DMD: variants seen among roughly 807,000 people sequenced by gnomAD.
DMD encodes dystrophin, also known as mutant dystrophin.
In DMD, 63 loss-of-function variants were observed where a neutral mutation model predicts 330.1. The observed-to-expected ratio is 0.19, with a 90% CI of 0.16 to 0.24. The LOEUF (loss-of-function observed/expected upper bound fraction) is 0.24. DMD is among the 10% of genes least tolerant of loss of function. DMD has a pLI of 1.00. For synonymous variants in DMD, 1,223 were observed against 959.8 expected, an observed-to-expected ratio of 1.27 and a Z score of -5.07; for missense variants, 3,344 against 2,684.1, an observed-to-expected ratio of 1.25 and a Z score of -5.43.
intron 44 of DMD, among the ~76,000 whole-genome samples, chrX:32,011,936 T>C (rs2095711997): frequency 8.9e-6 from 1 of 112,100 alleles, no homozygotes; most frequent in South Asian, 3.7e-4. Flanking sequence ...ACTATCTTAT[T>C]TGGTGATGAA....
intron 48 of DMD, among the ~76,000 whole-genome samples, chrX:31,852,941 T>C (rs1349176980): frequency 8.9e-6 from 1 of 112,532 alleles, no homozygotes; most frequent in East Asian, 2.8e-4. Flanking sequence ...TGGAGTGCAG[T>C]GGCATGATCT....
chrX:32,043,185 A>T (rs1163793101), intron 44 of DMD, among the ~76,000 whole-genome samples: 4 of 111,882 alleles, frequency 3.6e-5, no homozygotes, highest in Non-Finnish European at 5.6e-5. Context: ...ACTCACAAAG[A>T]TAAAAAACCC....
chrX:32,787,966 C>T (rs1410845254), intron 7 of DMD, among the ~76,000 whole-genome samples: 2 of 111,534 alleles, frequency 1.8e-5, no homozygotes, highest in African/African-American at 6.5e-5. Context: ...CAAATACATA[C>T]AGGTTTTACT....
At chrX:33,338,393 A>C (rs891787479) in intron 1 of DMD, among the ~76,000 whole-genome samples, 2 of 110,589 alleles carry the variant, frequency 1.8e-5, no homozygotes, top group Non-Finnish European at 3.8e-5. Context: ...ATATTGCAAA[A>C]CAGAGAAAGG....
chrX:33,065,838 C>T (rs952784560), intron 1 of DMD, among the ~76,000 whole-genome samples: 2 of 111,935 alleles, frequency 1.8e-5, no homozygotes, highest in Non-Finnish European at 3.8e-5. Flanking sequence ...GGCAATGCTA[C>T]CTCCTTCGAC....
intron 44 of DMD, among the ~76,000 whole-genome samples, chrX:32,129,607 A>G (rs888848535): frequency 1.8e-5 from 2 of 110,234 alleles, no homozygotes; most frequent in African/African-American, 6.6e-5. Flanking sequence ...TAAAAGCCAA[A>G]GAAAAACTGC....
At chrX:32,753,022 T>C (rs936877262) in intron 7 of DMD, among the ~76,000 whole-genome samples, 1 of 111,013 alleles carries the variant, frequency 9.0e-6, no homozygotes. Flanking sequence ...GAAAACGGAC[T>C]AATACACAAG....
chrX:32,342,262 C>T lies in DMD; in HGVS notation c.5760G>A (p.Gln1920=). 1 of 1,211,491 alleles carries T rather than the reference C, an allele frequency of 8.3e-7. No homozygotes were observed. The change falls in exon 41 of 79, where the codon CAG becomes CAA. Residue 1920 remains glutamine (Q), a synonymous_variant. Transcript: ENST00000357033. ...CTGCATTCAGCTCCTCTTTCTTCTT[C>T]TGCAATTCCCGATCAATTTCCTATT... is the stretch of plus-strand genomic sequence containing the variant. The part of the protein sequence containing the change: ...RKIKEIDREL[Q]KKKEELNAVR...
intron 44 of DMD, among the ~76,000 whole-genome samples, chrX:32,066,873 T>G (rs1260266394): frequency 8.9e-6 from 1 of 111,796 alleles, no homozygotes; most frequent in Non-Finnish European, 1.9e-5. Context: ...TTAGAAAGTC[T>G]GAGTTTTAAT....
intron 60 of DMD, among the ~76,000 whole-genome samples, chrX:31,356,926 T>C (rs1019926610): frequency 8.8e-3 from 115 of 13,101 alleles, no homozygotes; most frequent in African/African-American, 0.036. Flanking sequence ...TCTTCTGCCT[T>C]TTTTTTTTTT....
At chrX:31,785,594 T>C (rs1276915677) in intron 50 of DMD, among the ~76,000 whole-genome samples, 1 of 110,826 alleles carries the variant, frequency 9.0e-6, no homozygotes, top group Non-Finnish European at 1.9e-5. Flanking sequence ...CCTAACGTTA[T>C]CCCTCCCTCT....
intron 7 of DMD, among the ~76,000 whole-genome samples, chrX:32,701,402 A>C (rs2064120023): frequency 8.9e-6 from 1 of 112,249 alleles, no homozygotes; most frequent in African/African-American, 3.2e-5. Context: ...CTTTTTAAAG[A>C]AGAACTAAAT....
chrX:32,297,235 TTTTA>T (rs199584874), intron 42 of DMD, among the ~76,000 whole-genome samples: 18,270 of 97,056 alleles, frequency 0.19, 1,377 homozygotes, highest in Middle Eastern at 0.25. Context: ...GACAGTCATA[TTTTA>T]TTTATTTATT....
At chrX:31,569,826 C>A (rs894107243) in intron 55 of DMD, among the ~76,000 whole-genome samples, 5 of 107,816 alleles carry the variant, frequency 4.6e-5, no homozygotes, top group African/African-American at 1.7e-4. Flanking sequence ...AGAAATGTAG[C>A]CTTATATAAA....
intron 1 of DMD, among the ~76,000 whole-genome samples, chrX:33,315,439 C>T (rs2053919427): frequency 8.9e-6 from 1 of 111,773 alleles, no homozygotes; most frequent in Non-Finnish European, 1.9e-5. Flanking sequence ...GTGAGTGTTC[C>T]ATGCCTACTA....
intron 2 of DMD, among the ~76,000 whole-genome samples, chrX:33,000,278 T>C (rs1038808137): frequency 1.8e-5 from 2 of 111,930 alleles, no homozygotes; most frequent in African/African-American, 6.5e-5. Flanking sequence ...GTTCATTATA[T>C]ACACTTTGAA....
chrX:32,715,193 C>T (rs993216796), intron 7 of DMD, among the ~76,000 whole-genome samples: 4 of 110,966 alleles, frequency 3.6e-5, no homozygotes, highest in Admixed American at 1.9e-4. Context: ...AAAAGGAGAT[C>T]TTGGGCCAGG....
intron 55 of DMD, among the ~76,000 whole-genome samples, chrX:31,587,931 G>A: frequency 9.0e-6 from 1 of 111,333 alleles, no homozygotes; most frequent in Non-Finnish European, 1.9e-5. Context: ...TCCTAAATCA[G>A]TGTTCTCAAA....
At position 31,388,737 on chromosome X, in the gene DMD, A is replaced by G. The variant is rs192394122; in HGVS notation, c.9085-40103T>C. Among the ~76,000 whole-genome samples, 388 of 111,184 alleles carry G rather than the reference A, an allele frequency of 3.5e-3. 4 individuals are homozygous for G. Among genetic ancestry groups the G allele is most frequent in the South Asian group, 1.0e-2 (26 of 2,606 alleles). On this transcript the variant is annotated intron_variant, in intron 60 of 78. Coordinates refer to ENST00000357033, the MANE Select transcript of DMD (RefSeq NM_004006.3). ...ACCAACATGGCAAAATCCCGTCTCT[A>G]CTAAAAATACAAAAATTAGCCAGGC...
Sources: gnomAD v4.1 joint callset for allele counts (sites outside exome capture counted in the v4.1 genomes callset) on GRCh38, gnomAD v4.1.1 for gene constraint, MANE v1.5 for transcripts, NCBI Gene and HGNC (gene_info 2026-07-23, HGNC 2026-07-21) for gene names.